Variants in CNTNAP2 observed in about 807,000 individuals in gnomAD.
The protein encoded by CNTNAP2 is contactin associated protein 2.
A neutral mutation model predicts 155.2 loss-of-function variants in CNTNAP2; 98 were observed. The ratio of observed to expected loss-of-function variants is 0.63; its 90% confidence interval spans 0.54 to 0.75. The LOEUF (loss-of-function observed/expected upper bound fraction) is 0.75. Among genes scored for constraint, CNTNAP2 ranks in the 30% least tolerant of loss-of-function variants. The pLI, the probability that CNTNAP2 is intolerant of heterozygous loss-of-function variation, is 0.00. For missense variants in CNTNAP2, 1,727 were observed against 1,688.1 expected, an observed-to-expected ratio of 1.02 and a Z score of -0.40; for synonymous variants, 651 against 631.2, an observed-to-expected ratio of 1.03 and a Z score of -0.47.
chr7:147,335,860 C>G (rs1011992898), intron 9 of CNTNAP2, among the ~76,000 whole-genome samples: 1 of 133,060 alleles, frequency 7.5e-6, no homozygotes, highest in Non-Finnish European at 1.7e-5. Flanking sequence ...CATTGCTGTA[C>G]AAATGTGATG....
Position 146,845,940 on chromosome 7 carries a change from C to G in CNTNAP2, c.402+6036C>G, listed in dbSNP as rs543781317. On this transcript the variant is annotated intron_variant, in intron 3 of 23. Transcript: ENST00000361727. Reference sequence around the variant, plus strand: ...TTAGAAATGAATGGATTGTTCTGTCCTTTCTTTTCAGCCATTTGTTATAGT... The same window carrying G: ...TTAGAAATGAATGGATTGTTCTGTCGTTTCTTTTCAGCCATTTGTTATAGT... Among the ~76,000 whole-genome samples, 3 of 152,246 alleles carry G rather than the reference C, an allele frequency of 2.0e-5. No individual in the cohort carries two copies. The East Asian group carries it at 5.8e-4, about 29-fold the overall frequency.
At chr7:147,329,984 C>T (rs959681394) in intron 9 of CNTNAP2, among the ~76,000 whole-genome samples, 2 of 152,062 alleles carry the variant, frequency 1.3e-5, no homozygotes, top group East Asian at 1.9e-4. Flanking sequence ...GCACAGAGCC[C>T]CTAAGACCCT....
chr7:147,421,858 T>A (rs968855127), intron 10 of CNTNAP2, among the ~76,000 whole-genome samples: 5 of 152,050 alleles, frequency 3.3e-5, no homozygotes, highest in Admixed American at 6.6e-5. Context: ...CCCTCAACTC[T>A]CTCTCCTGCT....
chr7:147,620,023 C>T (rs1801364126), intron 12 of CNTNAP2, among the ~76,000 whole-genome samples: 1 of 152,160 alleles, frequency 6.6e-6, no homozygotes, highest in African/African-American at 2.4e-5. Flanking sequence ...AGAAAGAGAA[C>T]AAGAGTTTTC....
At position 147,028,680 on chromosome 7, in the gene CNTNAP2, T is replaced by C. The variant is rs1685438358; in HGVS notation, c.403-15227T>C. Among the ~76,000 whole-genome samples the C allele has an allele frequency of 2.0e-5, 3 of 152,176 alleles. No individual in the cohort carries two copies. In the South Asian group the frequency reaches 6.2e-4, roughly 31 times the overall value. ...TCAGTAAATACACATTTGAGATATT[T>C]CTAGATTAGACTGATTATGCATAAA... On this transcript the variant is annotated intron_variant, in intron 3 of 23. Coordinates refer to ENST00000361727, the MANE Select transcript of CNTNAP2 (RefSeq NM_014141.6).
At chr7:146,819,342 A>G (rs948888814) in intron 2 of CNTNAP2, among the ~76,000 whole-genome samples, 2 of 152,082 alleles carry the variant, frequency 1.3e-5, no homozygotes, top group Non-Finnish European at 2.9e-5. Flanking sequence ...ACATTATTCT[A>G]TTTTTACTTG....
intron 21 of CNTNAP2, among the ~76,000 whole-genome samples, chr7:148,291,198 A>G (rs1797183295): frequency 6.6e-6 from 1 of 151,884 alleles, no homozygotes; most frequent in South Asian, 2.1e-4. Flanking sequence ...ATGGTAAATT[A>G]GTATATGAGA....
At chr7:147,121,706 C>G (rs1801115065) in intron 6 of CNTNAP2, 1 of 152,474 alleles carries the variant, frequency 6.6e-6, no homozygotes, top group Admixed American at 6.5e-5. Context: ...AACAAAAAGA[C>G]ATATATTACC....
intron 4 of CNTNAP2, among the ~76,000 whole-genome samples, chr7:147,072,044 C>T (rs1452805716): frequency 6.6e-6 from 1 of 152,050 alleles, no homozygotes; most frequent in Non-Finnish European, 1.5e-5. Flanking sequence ...GATGGTAGTG[C>T]TCTCAAGGTA....
intron 3 of CNTNAP2, among the ~76,000 whole-genome samples, chr7:147,030,351 C>CAAG (rs773994377): frequency 7.9e-4 from 121 of 152,290 alleles, no homozygotes; most frequent in Non-Finnish European, 1.3e-3. Flanking sequence ...GAGTATTATG[C>CAAG]TTCTGCAAGC....
At chr7:148,014,644 C>T (rs1256639371) in intron 15 of CNTNAP2, among the ~76,000 whole-genome samples, 1 of 152,206 alleles carries the variant, frequency 6.6e-6, no homozygotes, top group African/African-American at 2.4e-5. Context: ...TATGAGTCAC[C>T]AGCTGCCCCT....
chr7:147,692,269 T>C (rs1023853296), intron 13 of CNTNAP2, among the ~76,000 whole-genome samples: 1 of 152,124 alleles, frequency 6.6e-6, no homozygotes, highest in Admixed American at 6.6e-5. Flanking sequence ...CTGAAGGACA[T>C]CTTGATTGCT....
At chr7:146,462,880 G>T (rs1370537571) in intron 1 of CNTNAP2, among the ~76,000 whole-genome samples, 5 of 152,124 alleles carry the variant, frequency 3.3e-5, no homozygotes, top group African/African-American at 4.8e-5. Context: ...CCAGAAATTA[G>T]TAGTAGTTCT....
intron 1 of CNTNAP2, among the ~76,000 whole-genome samples, chr7:146,183,933 G>A (rs1163879152): frequency 6.6e-6 from 1 of 152,158 alleles, no homozygotes; most frequent in East Asian, 1.9e-4. Context: ...GTAGTCCACA[G>A]TAGCTGGCTC....
At chr7:146,254,403 T>C (rs1799806229) in intron 1 of CNTNAP2, among the ~76,000 whole-genome samples, 1 of 152,204 alleles carries the variant, frequency 6.6e-6, no homozygotes, top group Non-Finnish European at 1.5e-5. Context: ...CATATTTAAA[T>C]GTCGCCACTG....
At chr7:147,183,643 C>A (rs909662137) in intron 8 of CNTNAP2, among the ~76,000 whole-genome samples, 1 of 152,148 alleles carries the variant, frequency 6.6e-6, no homozygotes, top group Non-Finnish European at 1.5e-5. Flanking sequence ...CACTAATCCC[C>A]TATTCCCTAT....
intron 3 of CNTNAP2, among the ~76,000 whole-genome samples, chr7:146,851,795 C>T (rs748886703): frequency 1.3e-5 from 2 of 151,922 alleles, no homozygotes; most frequent in Non-Finnish European, 2.9e-5. Context: ...GATCCTCTGT[C>T]TCAGCCTTCT....
intron 1 of CNTNAP2, among the ~76,000 whole-genome samples, chr7:146,262,115 T>A (rs951204162): frequency 1.3e-5 from 2 of 152,158 alleles, no homozygotes; most frequent in Non-Finnish European, 2.9e-5. Flanking sequence ...GCCATTTCAT[T>A]TCAACCCCTT....
chr7:146,680,908 T>C (rs1423550762), intron 1 of CNTNAP2, among the ~76,000 whole-genome samples: 1 of 152,158 alleles, frequency 6.6e-6, no homozygotes, highest in Non-Finnish European at 1.5e-5. Context: ...TGTGAAGGTG[T>C]TACAAGAGTG....
Sources: allele counts gnomAD v4.1 joint callset (sites outside exome capture counted in the v4.1 genomes callset), GRCh38; gene constraint gnomAD v4.1.1; transcripts MANE v1.5; gene names NCBI Gene and HGNC (gene_info 2026-07-23, HGNC 2026-07-21).